HOOK3: variants seen among roughly 807,000 people sequenced by gnomAD.
HOOK3 encodes the protein hook microtubule tethering protein 3.
In HOOK3, 24 loss-of-function variants were observed where a neutral mutation model predicts 116.3. The observed-to-expected ratio is 0.21, with a 90% CI of 0.15 to 0.29. HOOK3 has a LOEUF of 0.29. Among genes scored for constraint, HOOK3 ranks in the 10% least tolerant of loss-of-function variants. HOOK3 has a pLI of 1.00. For synonymous variants in HOOK3, 275 were observed against 283.0 expected (o/e 0.97, Z 0.28); for missense variants, 632 against 830.2 (o/e 0.76, Z 2.93).
chr8:43,021,131 A>C lies in HOOK3; in HGVS notation c.*2633A>C, dbSNP rs1450414766. The C allele has an allele frequency of 5.2e-6, 1 of 193,264 alleles. No individual in the cohort carries two copies. The highest frequency in any genetic ancestry group is 1.1e-5 in the Non-Finnish European group (1 of 94,596). The allele number at this position is 193,264 out of a possible 1,614,324, so 12.0% of individuals were successfully genotyped here. A position where few individuals can be genotyped will look rare whatever the true frequency, so the allele number is the denominator to read the frequency against. ...AAAAAAAAAAAAAAAAAAAAAAAAA[A>C]AACAGTCTGTGAACTACTCACTGAA... On this transcript the variant is annotated 3_prime_UTR_variant, in exon 22 of 22. Transcript: ENST00000307602.
At position 42,906,350 on chromosome 8, in the gene HOOK3, G is replaced by T. The variant is rs575982507; in HGVS notation, c.143+92G>T. 8 of 872,738 alleles carry T rather than the reference G, an allele frequency of 9.2e-6. No homozygotes were observed. The South Asian group carries it at 1.1e-4, about 12-fold the overall frequency. The allele number at this position is 872,738 out of a possible 1,614,324, so 54.1% of individuals were successfully genotyped here. ...GATTAAAAAAGTACTTACATGAAAC[G>T]TGTGTAGAGTAAGAGTTGTAGGCGG... On this transcript the variant is annotated intron_variant, in intron 2 of 21. Coordinates refer to ENST00000307602, the MANE Select transcript of HOOK3 (RefSeq NM_032410.4).
chr8:42,903,839 C>G (rs962144899), intron 1 of HOOK3, among the ~76,000 whole-genome samples: 1 of 151,668 alleles, frequency 6.6e-6, no homozygotes, highest in African/African-American at 2.4e-5. Context: ...GCCTGTATTC[C>G]CAGCTACTCG....
intron 8 of HOOK3, among the ~76,000 whole-genome samples, chr8:42,960,837 T>A (rs189471825): frequency 9.3e-4 from 142 of 152,352 alleles, no homozygotes; most frequent in African/African-American, 3.2e-3. Context: ...TTGTTGTTCT[T>A]ATTTTAACCC....
At chr8:42,997,745 G>A in intron 16 of HOOK3, 108 bp downstream of exon 16, 1 of 712,838 alleles carries the variant, frequency 1.4e-6, no homozygotes, top group Non-Finnish European at 2.5e-6. Context: ...TATTATATTG[G>A]TTATAGAAAA....
At chr8:43,002,060 T>G (rs1452234098) in intron 16 of HOOK3, 47 bp from the exon 17 acceptor site, 3 of 1,210,080 alleles carry the variant, frequency 2.5e-6, no homozygotes, top group Middle Eastern at 2.1e-4. Context: ...AAATACTATT[T>G]TAGTTAAAAT....
intron 19 of HOOK3, among the ~76,000 whole-genome samples, chr8:43,011,017 G>A (rs182733793): frequency 6.6e-5 from 10 of 151,656 alleles, no homozygotes; most frequent in African/African-American, 1.9e-4. Context: ...TTTTGAGATG[G>A]AGTCTCGCTC....
Position 42,959,317 on chromosome 8 carries a change from AAG to A in HOOK3, c.615+7_615+8del. On this transcript the variant is annotated splice_donor_5th_base_variant and intron_variant, in intron 8 of 21. Transcript: ENST00000307602. The stretch of plus-strand genomic sequence containing the variant: ...GATGCCATGAACTGGATATGCAGGT[AAG>A]AGATTTGTTCTGTGCACCACCTCTT... The A allele has an allele frequency of 6.3e-7, 1 of 1,597,908 alleles. No individual in the cohort carries two copies. The highest frequency in any genetic ancestry group is 8.6e-7 in the Non-Finnish European group (1 of 1,165,442).
At chr8:42,973,430 G>T in intron 12 of HOOK3, 31 bp downstream of exon 12, 1 of 1,413,482 alleles carries the variant, frequency 7.1e-7, no homozygotes, top group Non-Finnish European at 9.7e-7. Context: ...TTTTGGTTTT[G>T]AGCACTGCTA....
intron 2 of HOOK3, among the ~76,000 whole-genome samples, chr8:42,906,622 G>C (rs1807315964): frequency 6.6e-6 from 1 of 152,158 alleles, no homozygotes; most frequent in Non-Finnish European, 1.5e-5. Flanking sequence ...CACCTGCCCT[G>C]AGTACCCATA....
At chr8:42,962,838 G>C (rs1353822970) in intron 8 of HOOK3, among the ~76,000 whole-genome samples, 1 of 93,068 alleles carries the variant, frequency 1.1e-5, no homozygotes, top group Non-Finnish European at 2.0e-5. Flanking sequence ...TCTCGCTCTT[G>C]TCCCCCAGTC....
rs567528525 is a variant in HOOK3 at position 42,983,371 on chromosome 8, G to A, written c.1391+675G>A. ...AAAAAGGTTTATCTGCTAACCACAC[G>A]GAAAGGTCTGGGAAAGATAATAATG... On this transcript the variant is annotated intron_variant, in intron 14 of 21. Transcript: ENST00000307602. Among the ~76,000 whole-genome samples, 29 of 151,252 alleles carry A rather than the reference G, an allele frequency of 1.9e-4. 1 individual carries two copies. Among genetic ancestry groups the A allele is most frequent in the South Asian group, 6.3e-4 (3 of 4,748 alleles).
intron 2 of HOOK3, among the ~76,000 whole-genome samples, chr8:42,921,161 G>C (rs1326235960): frequency 6.9e-6 from 1 of 144,052 alleles, no homozygotes; most frequent in Non-Finnish European, 1.5e-5. Context: ...ACATTTTAAA[G>C]TTTTTTTTTT....
intron 15 of HOOK3, among the ~76,000 whole-genome samples, chr8:42,987,316 G>C (rs977207998): frequency 1.3e-5 from 2 of 152,164 alleles, no homozygotes; most frequent in African/African-American, 4.8e-5. Context: ...TTTTAGAATG[G>C]TGTTGTCCTC....
intron 19 of HOOK3, among the ~76,000 whole-genome samples, chr8:43,011,023 C>T (rs535351320): frequency 3.5e-4 from 53 of 151,504 alleles, no homozygotes; most frequent in Admixed American, 8.5e-4. Context: ...GATGGAGTCT[C>T]GCTCTGTCGC....
In HOOK3 at chr8:43,025,944, G is replaced by A. The variant is rs1462734225; in HGVS notation, c.*7446G>A. The A allele has an allele frequency of 4.8e-6, 1 of 209,082 alleles. No homozygotes were observed. The highest frequency in any genetic ancestry group is 7.2e-5 in the East Asian group (1 of 13,818). 13.0% of individuals were successfully genotyped at this position (209,082 alleles called of 1,614,324 possible). ...AATCAGAGGTGTCCACGGCCTCAAA[G>A]TTTGGGCCCATGGGACTATCAAATC... is the stretch of plus-strand genomic sequence containing the variant. On this transcript the variant is annotated 3_prime_UTR_variant, in exon 22 of 22. Coordinates refer to ENST00000307602, the MANE Select transcript of HOOK3 (RefSeq NM_032410.4).
chr8:43,016,547 A>G (rs548123973), intron 21 of HOOK3, among the ~76,000 whole-genome samples: 1 of 152,356 alleles, frequency 6.6e-6, no homozygotes, highest in African/African-American at 2.4e-5. Context: ...AGGTAACTTA[A>G]ATGGAAATGG....
chr8:42,914,782 T>G (rs530722721), intron 2 of HOOK3, among the ~76,000 whole-genome samples: 9 of 152,310 alleles, frequency 5.9e-5, no homozygotes, highest in Non-Finnish European at 1.2e-4. Flanking sequence ...CTGGATCATA[T>G]CCTTAAGCAT....
At chr8:42,933,750 A>G (rs1394177025) in intron 4 of HOOK3, among the ~76,000 whole-genome samples, 1 of 152,230 alleles carries the variant, frequency 6.6e-6, no homozygotes, top group Non-Finnish European at 1.5e-5. Context: ...TTAGTTGAAT[A>G]TGGAATTCCA....
In HOOK3 at chr8:42,943,396, G is replaced by A. The variant is rs1181085771; in HGVS notation, c.351G>A (p.Arg117=). The change falls in exon 5 of 22, where the codon AGG becomes AGA. Residue 117 remains arginine (R), a synonymous_variant. Transcript: ENST00000307602. ...ATTCTGATGCAGCAGAGCTTGGAAG[G>A]ATGCTTCAGCTCATCTTAGGCTGTG... ...GEHSDAAELG[R]MLQLILGCAV... 1.9e-6 allele frequency: 3 copies of A among 1,571,358 alleles called. No homozygotes were observed. The highest frequency in any genetic ancestry group is 1.4e-5 in the African/African-American group (1 of 73,938).
Sources: allele counts gnomAD v4.1 joint callset (sites outside exome capture counted in the v4.1 genomes callset), GRCh38; gene constraint gnomAD v4.1.1; transcripts MANE v1.5; gene names NCBI Gene and HGNC (gene_info 2026-07-23, HGNC 2026-07-21).